Variants in GPHN observed in about 807,000 individuals in gnomAD.
GPHN encodes gephyrin.
Under a neutral mutation model 95.5 loss-of-function variants are expected in GPHN, and 17 were observed. The ratio of observed to expected loss-of-function variants is 0.18; its 90% CI spans 0.12 to 0.27. The LOEUF is 0.27. Ranked by LOEUF, GPHN falls within the 10% of genes least tolerant of loss-of-function variation. The pLI is 1.00. For missense variants in GPHN, 660 were observed against 978.1 expected (o/e 0.67, Z 4.34); for synonymous variants, 320 against 322.5 (o/e 0.99, Z 0.08).
intron 18 of GPHN, among the ~76,000 whole-genome samples, chr14:67,148,612 G>C (rs1326467711): frequency 7.0e-6 from 1 of 143,658 alleles, no homozygotes; most frequent in Non-Finnish European, 1.5e-5. Context: ...CCAGGCTGGA[G>C]TGCAGTGGTG....
At chr14:67,173,865 A>G (rs533879663) in intron 21 of GPHN, among the ~76,000 whole-genome samples, 74 of 123,426 alleles carry the variant, frequency 6.0e-4, no homozygotes, top group African/African-American at 1.8e-3. Context: ...TAGGAATCAT[A>G]AAAAAAAACA....
chr14:67,451,259 A>C, the GPHN span, among the ~76,000 whole-genome samples: 1 of 152,186 alleles, frequency 6.6e-6, no homozygotes, highest in Non-Finnish European at 1.5e-5. Flanking sequence ...GGCATTGTGG[A>C]AGGGAAATGT....
the GPHN span, among the ~76,000 whole-genome samples, chr14:67,674,105 C>G: frequency 6.6e-6 from 1 of 152,212 alleles, no homozygotes; most frequent in African/African-American, 2.4e-5. Context: ...ACCGCAGATG[C>G]AAAAGCCCCT....
intron 8 of GPHN, among the ~76,000 whole-genome samples, chr14:66,929,384 C>G (rs2066658567): frequency 6.6e-6 from 1 of 151,948 alleles, no homozygotes; most frequent in Non-Finnish European, 1.5e-5. Context: ...GAGAATCTGT[C>G]CAATGTTTAA....
chr14:66,555,493 C>G (rs1409035361), intron 1 of GPHN, among the ~76,000 whole-genome samples: 3 of 143,326 alleles, frequency 2.1e-5, no homozygotes, highest in Admixed American at 1.4e-4. Context: ...CCTATGATTG[C>G]CCCCCCGCAA....
At chr14:67,647,865 A>G in the GPHN span, 1 of 628,360 alleles carries the variant, frequency 1.6e-6, no homozygotes. Flanking sequence ...TAGGAAGTTA[A>G]TATTGCCAAT....
At chr14:66,920,075 A>G (rs890360643) in intron 6 of GPHN, among the ~76,000 whole-genome samples, 87 of 152,062 alleles carry the variant, frequency 5.7e-4, no homozygotes, top group African/African-American at 2.1e-3. Flanking sequence ...CAAAACAAAC[A>G]AACAAAAAAA....
the GPHN span, chr14:67,614,845 G>GTTTTTTTTTTT: frequency 1.4e-5 from 2 of 146,058 alleles, no homozygotes. Flanking sequence ...TGTCCTTGAG[G>GTTTTTTTTTTT]TTTTTTTTTT....
At chr14:66,705,312 C>A (rs184592231) in intron 2 of GPHN, among the ~76,000 whole-genome samples, 1 of 152,220 alleles carries the variant, frequency 6.6e-6, no homozygotes, top group Admixed American at 6.5e-5. Flanking sequence ...CTAACTCATT[C>A]AGTGAAGCCA....
At chr14:66,972,502 T>A (rs1432069217) in intron 9 of GPHN, among the ~76,000 whole-genome samples, 1 of 151,942 alleles carries the variant, frequency 6.6e-6, no homozygotes, top group African/African-American at 2.4e-5. Context: ...AACAATTGCA[T>A]AAATAAGTGA....
intron 2 of GPHN, among the ~76,000 whole-genome samples, chr14:66,724,744 A>G (rs531825982): frequency 1.3e-5 from 2 of 152,278 alleles, no homozygotes; most frequent in Admixed American, 6.5e-5. Context: ...CAGTATACCA[A>G]CTGAATATTT....
At chr14:67,518,105 T>C in the GPHN span, among the ~76,000 whole-genome samples, 1 of 152,270 alleles carries the variant, frequency 6.6e-6, no homozygotes, top group African/African-American at 2.4e-5. Flanking sequence ...GTTCTAGTGA[T>C]TCAAGTACAG....
At chr14:66,826,695 GC>G (rs2061399109) in intron 4 of GPHN, among the ~76,000 whole-genome samples, 1 of 152,182 alleles carries the variant, frequency 6.6e-6, no homozygotes, top group South Asian at 2.1e-4. Flanking sequence ...TTTAGGAATA[GC>G]CAAATGCAGG....
chr14:67,156,122 A>G (rs539521029), intron 18 of GPHN, among the ~76,000 whole-genome samples: 12 of 152,344 alleles, frequency 7.9e-5, no homozygotes, highest in African/African-American at 2.9e-4. Context: ...AAGCATGGAA[A>G]TGCAGAAAGG....
the GPHN span, among the ~76,000 whole-genome samples, chr14:67,419,741 C>A: frequency 2.6e-5 from 4 of 151,714 alleles, no homozygotes; most frequent in South Asian, 8.4e-4. Flanking sequence ...CCCAGCTACT[C>A]GGGAGGCTGA....
chr14:67,185,271 G>A (rs1248646911), downstream of GPHN, among the ~76,000 whole-genome samples: 3 of 152,168 alleles, frequency 2.0e-5, no homozygotes, highest in Non-Finnish European at 4.4e-5. Flanking sequence ...AAAGGAGAAA[G>A]AAGAGGAAAG....
the GPHN span, among the ~76,000 whole-genome samples, chr14:67,337,130 A>ATACTT: frequency 5.3e-5 from 8 of 152,260 alleles, no homozygotes; most frequent in African/African-American, 1.9e-4. Context: ...TATAAACAAA[A>ATACTT]TACTTAATAC....
At chr14:67,143,283 G>A (rs1239625143) in intron 17 of GPHN, 79 bp from the exon 18 acceptor site, 11 of 865,508 alleles carry the variant, frequency 1.3e-5, no homozygotes, top group Non-Finnish European at 2.2e-5. Flanking sequence ...TAGTGAATAA[G>A]GCGATGTAGT....
intron 1 of GPHN, among the ~76,000 whole-genome samples, chr14:66,586,847 G>GA (rs754565773): frequency 2.0e-5 from 3 of 151,598 alleles, no homozygotes; most frequent in African/African-American, 4.8e-5. Context: ...CAAAGGACTA[G>GA]AAAAAACAAC....
Sources: allele counts gnomAD v4.1 joint callset (sites outside exome capture counted in the v4.1 genomes callset), GRCh38; gene constraint gnomAD v4.1.1; transcripts MANE v1.5; gene names NCBI Gene and HGNC (gene_info 2026-07-23, HGNC 2026-07-21).